The following ANKRD36C variants were observed in gnomAD, a reference collection of about 807,000 sequenced individuals.
The protein encoded by ANKRD36C is ankyrin repeat domain-containing protein 36C.
In ANKRD36C, 61 loss-of-function variants were observed where a neutral mutation model predicts 276.4. The ratio of observed to expected loss-of-function variants is 0.22; its 90% CI spans 0.18 to 0.27. The LOEUF (loss-of-function observed/expected upper bound fraction) is 0.27, where lower values mean the gene tolerates loss of function less well. ANKRD36C is among the 10% of genes least tolerant of loss of function. The pLI is 1.00. For synonymous variants in ANKRD36C, 483 were observed against 680.1 expected, an observed-to-expected ratio of 0.71 and a Z score of 4.51; for missense variants, 1,447 against 2,032.3, an observed-to-expected ratio of 0.71 and a Z score of 5.54.
At chr2:95,971,107 A>G (rs1005773479) in intron 6 of ANKRD36C, among the ~76,000 whole-genome samples, 38 of 152,122 alleles carry the variant, frequency 2.5e-4, no homozygotes, top group Non-Finnish European at 7.4e-5. Flanking sequence ...GATATCCACT[A>G]TGTTATCCTT....
At chr2:95,924,807 G>C (rs1677361313) in intron 30 of ANKRD36C, among the ~76,000 whole-genome samples, 1 of 151,618 alleles carries the variant, frequency 6.6e-6, no homozygotes, top group Non-Finnish European at 1.5e-5. Flanking sequence ...TGCATCTGAA[G>C]TGAGTTCACT....
At chr2:95,968,039 C>T (rs1231095142) in intron 6 of ANKRD36C, among the ~76,000 whole-genome samples, 6 of 152,192 alleles carry the variant, frequency 3.9e-5, no homozygotes, top group Admixed American at 2.0e-4. Flanking sequence ...TTGCAGTGAG[C>T]CAAGATTGTG....
intron 61 of ANKRD36C, among the ~76,000 whole-genome samples, chr2:95,857,814 C>T (rs564436229): frequency 4.2e-4 from 61 of 146,414 alleles, no homozygotes; most frequent in African/African-American, 1.3e-3. Flanking sequence ...TCCTTCCTTT[C>T]TATGCAGATC....
chr2:95,912,775 G>A (rs1395275379), intron 40 of ANKRD36C, among the ~76,000 whole-genome samples: 3 of 151,474 alleles, frequency 2.0e-5, no homozygotes, highest in African/African-American at 4.8e-5. Context: ...GAGAATCAAT[G>A]TCAGAACAGG....
At chr2:95,963,997 A>ATT (rs1678530519) in intron 6 of ANKRD36C, among the ~76,000 whole-genome samples, 1 of 26,066 alleles carries the variant, frequency 3.8e-5, no homozygotes, top group Admixed American at 5.6e-4. Flanking sequence ...ATATATATAT[A>ATT]TATATATATA....
At chr2:95,893,401 T>A (rs1276286426) in intron 44 of ANKRD36C, 132 bp downstream of exon 64, 10 of 1,313,224 alleles carry the variant, frequency 7.6e-6, no homozygotes, top group East Asian at 5.1e-5. Flanking sequence ...AAGAACTTAC[T>A]ACAAATGAAG....
chr2:95,925,282 T>C, intron 30 of ANKRD36C, 70 bp downstream of exon 30: 1 of 1,541,218 alleles, frequency 6.5e-7, no homozygotes, highest in Non-Finnish European at 8.8e-7. Flanking sequence ...ACTCCACTGA[T>C]CTATTCAGGG....
chr2:95,860,185 A>C (rs910253711), intron 60 of ANKRD36C, 111 bp from the exon 81 acceptor site: 2 of 822,620 alleles, frequency 2.4e-6, no homozygotes, highest in African/African-American at 1.7e-5. Flanking sequence ...AAGTATGTAC[A>C]TATTGAGTGC....
intron 46 of ANKRD36C, 34 bp downstream of exon 66, chr2:95,891,631 C>CT (rs1558629105): frequency 4.5e-6 from 7 of 1,540,304 alleles, no homozygotes; most frequent in Middle Eastern, 2.3e-4. Flanking sequence ...TCTATCTGCA[C>CT]TGAACATGAC....
chr2:95,859,839 T>G, intron 61 of ANKRD36C, 22 bp downstream of exon 81: 8 of 1,547,366 alleles, frequency 5.2e-6, no homozygotes, highest in Non-Finnish European at 7.0e-6. Flanking sequence ...AGTTCAAACA[T>G]TTATTTAAAA....
At chr2:95,908,050 T>C (rs1164714389) in intron 42 of ANKRD36C, among the ~76,000 whole-genome samples, 1 of 150,928 alleles carries the variant, frequency 6.6e-6, no homozygotes, top group African/African-American at 2.4e-5. Context: ...ACAATCTGTC[T>C]TCCTTAGGAA....
At chr2:95,862,784 C>A (rs1675613464) in intron 60 of ANKRD36C, among the ~76,000 whole-genome samples, 2 of 152,190 alleles carry the variant, frequency 1.3e-5, no homozygotes, top group Middle Eastern at 6.8e-3. Context: ...GTCATGAGAG[C>A]AAAGCCCTAA....
At chr2:95,983,489 C>G (rs1313551083) in intron 3 of ANKRD36C, among the ~76,000 whole-genome samples, 1 of 151,574 alleles carries the variant, frequency 6.6e-6, no homozygotes, top group Non-Finnish European at 1.5e-5. Context: ...AAATATCAAT[C>G]AGAAATAAAA....
chr2:95,859,935 T>G (rs1675523993), exon 61 of ANKRD36C: 1 of 1,550,494 alleles, frequency 6.4e-7, no homozygotes, highest in East Asian at 2.5e-5. Flanking sequence ...CTTTTTCAGA[T>G]AGTCTCTTTT....
intron 60 of ANKRD36C, among the ~76,000 whole-genome samples, chr2:95,861,788 A>G (rs546522713): frequency 7.8e-4 from 119 of 152,240 alleles, no homozygotes; most frequent in African/African-American, 2.7e-3. Flanking sequence ...CCTCAACTAT[A>G]ACACAGACTG....
chr2:95,921,536 AT>A lies in ANKRD36C; in HGVS notation c.2245+70del, dbSNP rs1677268290. ...GAGCCCCCCCACCTGCCCTCCACTGATTTATTCGGGGTAGAGAAGTTCTTTT... is the reference window on the plus strand; with the variant it reads ...GAGCCCCCCCACCTGCCCTCCACTGATTATTCGGGGTAGAGAAGTTCTTTT... On this transcript the variant is annotated intron_variant, in intron 34 of 66. Coordinates refer to ENST00000456556, the Ensembl canonical transcript of ANKRD36C. 3 of 1,546,298 alleles carry A rather than the reference AT, an allele frequency of 1.9e-6. No individual in the cohort carries two copies. The South Asian group carries it at 3.6e-5, about 19-fold the overall frequency.
In ANKRD36C at chr2:95,851,204, A is replaced by C. The variant is rs1410575882; in HGVS notation, c.5314-9T>G. The C allele has an allele frequency of 4.0e-6, 6 of 1,517,958 alleles. No individual in the cohort carries two copies. The South Asian group carries it at 7.2e-5, about 18-fold the overall frequency. The allele number at this position is 1,517,958 out of a possible 1,614,324, so 94.0% of individuals were successfully genotyped here. On this transcript the variant is annotated splice_polypyrimidine_tract_variant and intron_variant, in intron 66 of 66. Transcript: ENST00000456556. ...TCAAACACCTGCAGCATCTGAAATA[A>C]ATCAAATATTACTTATAATGTTTCA...
chr2:95,879,822 A>G (rs1336718528), intron 58 of ANKRD36C, among the ~76,000 whole-genome samples: 1 of 149,386 alleles, frequency 6.7e-6, no homozygotes, highest in East Asian at 1.9e-4. Flanking sequence ...GCTAAAAACT[A>G]TTGAAATTCC....
chr2:95,923,231 A>T (rs72492172), intron 32 of ANKRD36C, among the ~76,000 whole-genome samples: 1 of 151,590 alleles, frequency 6.6e-6, no homozygotes, highest in Non-Finnish European at 1.5e-5. Context: ...ATTATGCTGT[A>T]CCCTGAGCCC....
Sources: allele counts gnomAD v4.1 joint callset (sites outside exome capture counted in the v4.1 genomes callset), GRCh38; gene constraint gnomAD v4.1.1; transcripts MANE v1.5; gene names NCBI Gene and HGNC (gene_info 2026-07-23, HGNC 2026-07-21).